MARCHF1: variants seen among roughly 807,000 people sequenced by gnomAD.
MARCHF1 encodes E3 ubiquitin-protein ligase MARCHF1.
In MARCHF1, 40 loss-of-function variants were observed where a neutral mutation model predicts 54.2. That is an observed-to-expected ratio of 0.74 (90% CI 0.57 to 0.96). The LOEUF (loss-of-function observed/expected upper bound fraction) is 0.96. Among genes scored for constraint, MARCHF1 ranks in the 40% least tolerant of loss-of-function variants. MARCHF1 has a pLI of 0.00. For synonymous variants in MARCHF1, 236 were observed against 236.3 expected (o/e 1.00, Z 0.01); for missense variants, 586 against 656.5 (o/e 0.89, Z 1.17).
intron 3 of MARCHF1, among the ~76,000 whole-genome samples, chr4:163,981,982 G>A (rs1011767636): frequency 1.3e-5 from 2 of 152,126 alleles, no homozygotes; most frequent in African/African-American, 2.4e-5. Context: ...AGGGTGTGAC[G>A]GCAATTACTA....
intron 4 of MARCHF1, among the ~76,000 whole-genome samples, chr4:163,748,590 A>G (rs542471870): frequency 6.6e-6 from 1 of 152,316 alleles, no homozygotes; most frequent in Non-Finnish European, 1.5e-5. Flanking sequence ...TGTGCCTGCC[A>G]GGCTCAAGTA....
chr4:163,969,146 T>G (rs7678986), intron 3 of MARCHF1, among the ~76,000 whole-genome samples: 82,032 of 151,998 alleles, frequency 0.54, 23,762 homozygotes, highest in Middle Eastern at 0.68. Context: ...GGCATTTCTA[T>G]GAGCAAAATG....
chr4:164,356,779 G>GCAAAAAAAAAAAAAAAAAC, intron 1 of MARCHF1, among the ~76,000 whole-genome samples: 1 of 116,788 alleles, frequency 8.6e-6, no homozygotes, highest in Non-Finnish European at 1.7e-5. Flanking sequence ...AAAAAGAAAA[G>GCAAAAAAAAAAAAAAAAAC]CAAAAAAAAA....
At chr4:163,934,263 A>AAAC (rs1238681861) in intron 3 of MARCHF1, among the ~76,000 whole-genome samples, 13 of 152,258 alleles carry the variant, frequency 8.5e-5, no homozygotes, top group East Asian at 7.7e-4. Context: ...TATATTTTAT[A>AAAC]AACAACAACA....
intron 1 of MARCHF1, among the ~76,000 whole-genome samples, chr4:164,122,861 A>T (rs1019365169): frequency 6.6e-6 from 1 of 152,062 alleles, no homozygotes; most frequent in African/African-American, 2.4e-5. Flanking sequence ...CTTTCCTCTA[A>T]CATCTGGAAC....
intron 1 of MARCHF1, among the ~76,000 whole-genome samples, chr4:164,204,266 T>C (rs1030551422): frequency 6.6e-6 from 1 of 152,186 alleles, no homozygotes; most frequent in African/African-American, 2.4e-5. Context: ...ATTTTGAACA[T>C]GGTTAAAAGT....
At chr4:164,135,347 C>T (rs769323559) in intron 1 of MARCHF1, 1 of 152,128 alleles carries the variant, frequency 6.6e-6, no homozygotes, top group Non-Finnish European at 1.5e-5. Flanking sequence ...TTGTATTAGT[C>T]CATTCTTATG....
At chr4:164,350,554 T>A (rs1730256482) in intron 1 of MARCHF1, among the ~76,000 whole-genome samples, 1 of 152,194 alleles carries the variant, frequency 6.6e-6, no homozygotes, top group Non-Finnish European at 1.5e-5. Flanking sequence ...ATGGATAAGC[T>A]AATTACTGAT....
In MARCHF1 at chr4:163,782,876, C is replaced by T. The variant is rs138063061; in HGVS notation, c.111+71145G>A. ...CTCCATTGGGCTTGCAAAAGAATTT[C>T]AGAATTGGGGTCTTACTGGAAATGA... On this transcript the variant is annotated intron_variant, in intron 4 of 9. Transcript: ENST00000514618. Among the ~76,000 whole-genome samples the T allele has an allele frequency of 7.7e-3, 1,164 of 152,004 alleles. 11 individuals are homozygous for T. Among genetic ancestry groups the T allele is most frequent in the African/African-American group, 0.026 (1,095 of 41,456 alleles).
chr4:164,280,943 CA>C (rs1734010224), intron 1 of MARCHF1, among the ~76,000 whole-genome samples: 1 of 151,986 alleles, frequency 6.6e-6, no homozygotes, highest in South Asian at 2.1e-4. Context: ...AATGACTGAG[CA>C]ATTGTACAAT....
chr4:164,140,222 A>G (rs1756495435), intron 1 of MARCHF1, among the ~76,000 whole-genome samples: 1 of 111,106 alleles, frequency 9.0e-6, no homozygotes, highest in Admixed American at 1.1e-4. Flanking sequence ...CACACTATAT[A>G]TACACATACA....
intron 4 of MARCHF1, among the ~76,000 whole-genome samples, chr4:163,722,187 A>C (rs570021894): frequency 2.5e-4 from 38 of 152,166 alleles, no homozygotes; most frequent in South Asian, 2.1e-3. Flanking sequence ...ATTTCCCTCT[A>C]CACACTGCTT....
chr4:163,829,576 C>A (rs1748959163), intron 4 of MARCHF1, among the ~76,000 whole-genome samples: 1 of 152,122 alleles, frequency 6.6e-6, no homozygotes, highest in Non-Finnish European at 1.5e-5. Context: ...GTATCCCTCT[C>A]CCTGAATTTC....
chr4:163,648,480 T>C (rs1049547857), intron 5 of MARCHF1, among the ~76,000 whole-genome samples: 24 of 151,910 alleles, frequency 1.6e-4, no homozygotes, highest in Admixed American at 9.9e-4. Flanking sequence ...ATTTGATGCA[T>C]AAAACTAGGC....
chr4:164,372,280 C>G (rs1328566489), intron 1 of MARCHF1, among the ~76,000 whole-genome samples: 1 of 152,106 alleles, frequency 6.6e-6, no homozygotes, highest in Non-Finnish European at 1.5e-5. Context: ...AAAACTCTTT[C>G]TAGAAGTGAA....
At chr4:163,589,590 C>T (rs533228033) in intron 7 of MARCHF1, among the ~76,000 whole-genome samples, 129 of 151,996 alleles carry the variant, frequency 8.5e-4, no homozygotes, top group African/African-American at 3.0e-3. Flanking sequence ...ATAATGTGAT[C>T]GTGCCATTAA....
intron 2 of MARCHF1, among the ~76,000 whole-genome samples, chr4:164,056,118 T>C (rs1033366498): frequency 6.6e-6 from 1 of 152,202 alleles, no homozygotes; most frequent in Non-Finnish European, 1.5e-5. Flanking sequence ...CACATTCTCC[T>C]AGTTCCCTTT....
intron 1 of MARCHF1, among the ~76,000 whole-genome samples, chr4:164,233,687 G>GCCC (rs769463868): frequency 9.9e-5 from 15 of 151,900 alleles, no homozygotes; most frequent in Non-Finnish European, 1.8e-4. Flanking sequence ...CTCCAAGATG[G>GCCC]CCCATTTTTT....
intron 1 of MARCHF1, chr4:164,189,573 C>T: frequency 2.1e-6 from 2 of 930,292 alleles, no homozygotes; most frequent in Middle Eastern, 2.2e-4. Context: ...GTGCTGCTGT[C>T]CAGGCTGGAG....
Sources: gnomAD v4.1 joint callset for allele counts (sites outside exome capture counted in the v4.1 genomes callset) on GRCh38, gnomAD v4.1.1 for gene constraint, MANE v1.5 for transcripts, NCBI Gene and HGNC (gene_info 2026-07-23, HGNC 2026-07-21) for gene names.